The following RNF19A variants were observed in gnomAD, a reference collection of about 807,000 sequenced individuals.
RNF19A encodes ring finger protein 19A, RBR E3 ubiquitin protein ligase, also known as E3 ubiquitin-protein ligase RNF19A.
A neutral mutation model predicts 75.7 loss-of-function variants in RNF19A; 32 were observed. The observed-to-expected ratio is 0.42, with a 90% CI of 0.32 to 0.57. The LOEUF (loss-of-function observed/expected upper bound fraction) is 0.57. Ranked by LOEUF, RNF19A falls within the 20% of genes least tolerant of loss-of-function variation. The probability of loss-of-function intolerance (pLI) is 0.10; values close to 1 mark genes in which losing one functional copy is unlikely to be tolerated. For synonymous variants in RNF19A, 335 were observed against 345.2 expected, an observed-to-expected ratio of 0.97 and a Z score of 0.33; for missense variants, 782 against 1,036.3, an observed-to-expected ratio of 0.75 and a Z score of 3.37.
Position 100,298,198 on chromosome 8 carries a change from T to TAAAA in RNF19A, c.-93-9935_-93-9932dup, listed in dbSNP as rs35748790. On this transcript the variant is annotated intron_variant, in intron 1 of 9. Transcript: ENST00000341084. ...TACCTAAATTTACCATGTATTGGGT[T>TAAAA]AAAAAAAAAAAAAACACTTATTACA... 1.8e-3 allele frequency among the ~76,000 whole-genome samples: 263 copies of TAAAA among 144,434 alleles called. 1 individual carries two copies. The highest frequency in any genetic ancestry group is 5.7e-3 in the South Asian group (26 of 4,584). The allele number at this position is 144,434 out of a possible 152,430, so 94.8% of individuals were successfully genotyped here. A position where few individuals can be genotyped will look rare whatever the true frequency, so the allele number is the denominator to read the frequency against.
intron 2 of RNF19A, among the ~76,000 whole-genome samples, chr8:100,282,726 C>G (rs1226379316): frequency 6.6e-6 from 1 of 152,120 alleles, no homozygotes; most frequent in Non-Finnish European, 1.5e-5. Flanking sequence ...TCCAGCATGT[C>G]AAAAGATAGT....
At chr8:100,299,996 G>A (rs1821751955) in intron 1 of RNF19A, among the ~76,000 whole-genome samples, 1 of 152,200 alleles carries the variant, frequency 6.6e-6, no homozygotes, top group African/African-American at 2.4e-5. Flanking sequence ...TATGTACATA[G>A]GAGATAAGAG....
At chr8:100,289,463 C>T (rs887070081) in intron 1 of RNF19A, among the ~76,000 whole-genome samples, 4 of 152,064 alleles carry the variant, frequency 2.6e-5, no homozygotes, top group African/African-American at 7.2e-5. Flanking sequence ...AGAATGCTTA[C>T]AAATCAATAA....
intron 1 of RNF19A, among the ~76,000 whole-genome samples, chr8:100,296,568 A>G (rs1470860575): frequency 6.7e-6 from 1 of 149,832 alleles, no homozygotes. Context: ...TGAAATCTCA[A>G]AAGTGTATGT....
rs150577396 is a variant in RNF19A at position 100,287,609 on chromosome 8, C to T, written c.566G>A (p.Arg189His). Residue 189 changes from arginine (R) to histidine (H), a missense_variant, in exon 2 of 10, where the codon CGC becomes CAC. Physicochemically the swap from Arg to His is conservative, Grantham distance 29 (BLOSUM62 0). Transcript: ENST00000341084. This position sits in a 1 kb window ranked among gnomAD's most constrained non-coding sequence, Gnocchi z 4.1. ...CAAGACATCATCACTTAATATCAAG[C>T]GAATATCATGGGGATTAAACCGTTC... ...CTERFNPHDI[R>H]LILSDDVLME... 43 of 1,613,894 alleles carry T rather than the reference C, an allele frequency of 2.7e-5. No homozygotes were observed. Among genetic ancestry groups the T allele is most frequent in the Non-Finnish European group, 3.5e-5 (41 of 1,179,936 alleles).
At chr8:100,309,574 G>C in intron 1 of RNF19A, 1 of 976,272 alleles carries the variant, frequency 1.0e-6, no homozygotes, top group Non-Finnish European at 1.2e-6. Flanking sequence ...GGAGGACAGG[G>C]CTTGGGGCGG....
chr8:100,262,950 T>G (rs1213569815), intron 7 of RNF19A, among the ~76,000 whole-genome samples: 2 of 151,968 alleles, frequency 1.3e-5, no homozygotes, highest in Non-Finnish European at 2.9e-5. Flanking sequence ...ACAGGAGGAA[T>G]GGAGAAGCTA....
intron 2 of RNF19A, among the ~76,000 whole-genome samples, chr8:100,276,998 G>A (rs923797239): frequency 6.6e-6 from 1 of 151,662 alleles, no homozygotes; most frequent in Non-Finnish European, 1.5e-5. Context: ...AGGTACATAC[G>A]ATCTCTGAAT....
intron 1 of RNF19A, among the ~76,000 whole-genome samples, chr8:100,294,114 A>G (rs1821434906): frequency 6.6e-6 from 1 of 152,186 alleles, no homozygotes; most frequent in African/African-American, 2.4e-5. Flanking sequence ...ACATGGAATG[A>G]AGCATATTTT....
In RNF19A at chr8:100,264,459, T is replaced by C. The variant is rs542287694; in HGVS notation, c.1306+212A>G. Reference sequence around the variant, plus strand: ...GAAGTGCCAGGCCTCCGAACTGTACTTGGGGTGGAGTGGGGAGGAAGGGTA... The same window carrying C: ...GAAGTGCCAGGCCTCCGAACTGTACCTGGGGTGGAGTGGGGAGGAAGGGTA... On this transcript the variant is annotated intron_variant, in intron 6 of 9. Transcript: ENST00000341084. The surrounding 1 kb of genome is among the most constrained non-coding windows in gnomAD (Gnocchi z 4.7). The C allele has an allele frequency of 8.3e-5, 49 of 587,338 alleles. No homozygotes were observed. Among genetic ancestry groups the C allele is most frequent in the African/African-American group, 4.3e-4 (23 of 53,820 alleles). 36.4% of individuals were successfully genotyped at this position (587,338 alleles called of 1,614,324 possible).
chr8:100,280,927 G>A (rs1466073737), intron 2 of RNF19A, among the ~76,000 whole-genome samples: 1 of 152,166 alleles, frequency 6.6e-6, no homozygotes, highest in Non-Finnish European at 1.5e-5. Flanking sequence ...TTAAATACAA[G>A]ACACTTGCTT....
Position 100,258,016 on chromosome 8 carries a change from T to A in RNF19A, c.*540A>T, listed in dbSNP as rs1462055688. 5 of 398,626 alleles carry A rather than the reference T, an allele frequency of 1.3e-5. No homozygotes were observed. The highest frequency in any genetic ancestry group is 2.2e-5 in the Non-Finnish European group (5 of 225,946). The allele number at this position is 398,626 out of a possible 1,614,324, so 24.7% of individuals were successfully genotyped here. ...GTCTAAGTATCCAAATGGTAGCAAA[T>A]GAGCTGCATTAAGCTTTATATAACC... On this transcript the variant is annotated 3_prime_UTR_variant, in exon 10 of 10. Coordinates refer to ENST00000341084, the MANE Select transcript of RNF19A (RefSeq NM_183419.4). This position sits in a 1 kb window ranked among gnomAD's most constrained non-coding sequence, Gnocchi z 4.3.
chr8:100,266,570 G>A (rs1446829539), intron 5 of RNF19A, among the ~76,000 whole-genome samples: 1 of 152,144 alleles, frequency 6.6e-6, no homozygotes, highest in Non-Finnish European at 1.5e-5. Context: ...GAGTGCAGTG[G>A]CACGATCACA....
At position 100,258,840 on chromosome 8, in the gene RNF19A, G is replaced by T; in HGVS notation, c.2233C>A (p.His745Asn). 2 of 1,614,082 alleles carry T rather than the reference G, an allele frequency of 1.2e-6. No individual in the cohort carries two copies. The highest frequency in any genetic ancestry group is 1.7e-6 in the Non-Finnish European group (2 of 1,180,016). ...DLESMKTSCS[H>N]GSSDYHTRFA... Reference sequence around the variant, plus strand: ...CGGGTGTGATAATCACTGGAACCATGACTACAAGAAGTTTTCATGCTTTCT... The same window carrying T: ...CGGGTGTGATAATCACTGGAACCATTACTACAAGAAGTTTTCATGCTTTCT... Residue 745 changes from histidine to asparagine, a missense_variant, in exon 10 of 10, where the codon CAT (histidine) becomes AAT (asparagine). His to Asn is a moderately conservative substitution (Grantham distance 68, BLOSUM62 1). Transcript: ENST00000341084. This position sits in a 1 kb window ranked among gnomAD's most constrained non-coding sequence, Gnocchi z 4.3.
intron 1 of RNF19A, among the ~76,000 whole-genome samples, chr8:100,301,507 T>C (rs1232336392): frequency 2.0e-5 from 3 of 152,206 alleles, no homozygotes; most frequent in Admixed American, 6.5e-5. Context: ...CCCCACACTT[T>C]AGCCAACTGA....
Position 100,264,476 on chromosome 8 carries a change from G to T in RNF19A, c.1306+195C>A. ...AACTGTACTTGGGGTGGAGTGGGGA[G>T]GAAGGGTATCAGCCACTAACAATTT... On this transcript the variant is annotated intron_variant, in intron 6 of 9. Transcript: ENST00000341084. This position sits in a 1 kb window ranked among gnomAD's most constrained non-coding sequence, Gnocchi z 4.7. The T allele has an allele frequency of 1.7e-6, 1 of 586,866 alleles. No homozygotes were observed. The highest frequency in any genetic ancestry group is 3.0e-6 in the Non-Finnish European group (1 of 335,388). 36.4% of individuals were successfully genotyped at this position (586,866 alleles called of 1,614,324 possible).
Position 100,264,182 on chromosome 8 carries a change from A to G in RNF19A, c.1320T>C (p.Pro440=), listed in dbSNP as rs1563833727. Residue 440 remains proline (P), a synonymous_variant, in exon 7 of 10, where the codon CCT becomes CCC. Transcript: ENST00000341084. This position sits in a 1 kb window ranked among gnomAD's most constrained non-coding sequence, Gnocchi z 4.7. Reference sequence around the variant, plus strand: ...CGCCATAGACATAAGCTAACATAATAGGAACACCGATACCTAAAGAGAAAT... The same window carrying G: ...CGCCATAGACATAAGCTAACATAATGGGAACACCGATACCTAAAGAGAAAT... ...VAAVTVGIGV[P]IMLAYVYGVV... The G allele has an allele frequency of 1.9e-6, 3 of 1,611,042 alleles. No homozygotes were observed. Among genetic ancestry groups the G allele is most frequent in the Non-Finnish European group, 2.5e-6 (3 of 1,178,528 alleles).
At chr8:100,285,803 T>C (rs79500050) in intron 2 of RNF19A, among the ~76,000 whole-genome samples, 1 of 151,520 alleles carries the variant, frequency 6.6e-6, no homozygotes, top group African/African-American at 2.4e-5. Flanking sequence ...CAGTTGTAGA[T>C]TTTTTTTAAG....
chr8:100,271,834 C>T (rs559689058), intron 3 of RNF19A, among the ~76,000 whole-genome samples: 2 of 152,186 alleles, frequency 1.3e-5, no homozygotes, highest in East Asian at 3.9e-4. Flanking sequence ...CTCCAAATAC[C>T]CTCATGATGC....
Sources: gnomAD v4.1 joint callset for allele counts (sites outside exome capture counted in the v4.1 genomes callset) on GRCh38, gnomAD v4.1.1 for gene constraint, Gnocchi (gnomAD v3.1) non-coding constraint, MANE v1.5 for transcripts, NCBI Gene and HGNC (gene_info 2026-07-23, HGNC 2026-07-21) for gene names.